CLDN14: variants seen among roughly 807,000 people sequenced by gnomAD.
The protein encoded by CLDN14 is claudin-14.
CLDN14 carries 2 observed loss-of-function variants against 2.1 expected under a neutral mutation model. That is an observed-to-expected ratio of 0.96 (90% CI 0.39 to 3.01). CLDN14 has a LOEUF of 3.01. Among genes scored for constraint, CLDN14 ranks in the 30% most tolerant of loss-of-function variants. The pLI is 0.09. For synonymous variants in CLDN14, 136 were observed against 154.4 expected, an observed-to-expected ratio of 0.88 and a Z score of 0.88; for missense variants, 298 against 328.0, an observed-to-expected ratio of 0.91 and a Z score of 0.71.
chr21:36,526,837 G>T (rs981857412), intron 1 of CLDN14, among the ~76,000 whole-genome samples: 2 of 152,164 alleles, frequency 1.3e-5, no homozygotes, highest in Non-Finnish European at 2.9e-5. Context: ...GAAGGCAGCT[G>T]CTAGGTATGG....
chr21:36,486,936 C>G, intron 2 of CLDN14: 1 of 563,876 alleles, frequency 1.8e-6, no homozygotes, highest in Non-Finnish European at 3.3e-6. Flanking sequence ...AGTCATTAGC[C>G]AGTGTGATGA....
intron 1 of CLDN14, chr21:36,532,100 A>G (rs1170028881): frequency 6.6e-6 from 1 of 152,204 alleles, no homozygotes; most frequent in Admixed American, 6.5e-5. Context: ...CTCAAAACGT[A>G]TTTCCTCCGA....
At chr21:36,554,246 C>T (rs886825882) in intron 1 of CLDN14, among the ~76,000 whole-genome samples, 40 of 152,174 alleles carry the variant, frequency 2.6e-4, no homozygotes, top group African/African-American at 8.0e-4. Flanking sequence ...CTGGGCTCGG[C>T]GGTGCCTCCT....
chr21:36,540,875 T>C (rs2087483626), intron 1 of CLDN14, among the ~76,000 whole-genome samples: 2 of 152,200 alleles, frequency 1.3e-5, no homozygotes, highest in South Asian at 4.1e-4. Context: ...GCCACTATGG[T>C]GACTCTGTAG....
At chr21:36,574,232 A>C (rs1184553953) in intron 1 of CLDN14, among the ~76,000 whole-genome samples, 1 of 152,238 alleles carries the variant, frequency 6.6e-6, no homozygotes, top group Non-Finnish European at 1.5e-5. Flanking sequence ...TTAACTAAAG[A>C]GTTGCTCAAT....
chr21:36,461,050 CAGCTGGT>C lies in CLDN14; in HGVS notation c.639_645del (p.Ala215ThrfsTer9). The C allele has an allele frequency of 6.2e-7, 1 of 1,613,982 alleles. No individual in the cohort carries two copies. Among genetic ancestry groups the C allele is most frequent in the African/African-American group, 1.3e-5 (1 of 75,058 alleles). ...GAGGGGGCCCGATTGTCTTTGTAGGCAGCTGGTGGCTGGTAGGCAGGTGCGGTGTTTG... is the reference window on the plus strand; with the variant it reads ...GAGGGGGCCCGATTGTCTTTGTAGGCGGCTGGTAGGCAGGTGCGGTGTTTG... On this transcript the variant is annotated frameshift_variant, in exon 2 of 2. Transcript: ENST00000399135. LOFTEE classifies it high-confidence loss of function.
At chr21:36,538,003 G>GTT (rs2146507403) in intron 1 of CLDN14, among the ~76,000 whole-genome samples, 1 of 152,054 alleles carries the variant, frequency 6.6e-6, no homozygotes, top group South Asian at 2.1e-4. Flanking sequence ...GTGTGTGTGT[G>GTT]TGTGTGTGTG....
chr21:36,560,705 A>C (rs1278186977), intron 1 of CLDN14, among the ~76,000 whole-genome samples: 2 of 152,228 alleles, frequency 1.3e-5, no homozygotes, highest in East Asian at 3.8e-4. Flanking sequence ...ACTCTCTAAT[A>C]GTGGGCATAG....
intron 1 of CLDN14, among the ~76,000 whole-genome samples, chr21:36,464,139 G>C (rs2086615266): frequency 6.6e-6 from 1 of 152,120 alleles, no homozygotes; most frequent in Non-Finnish European, 1.5e-5. Flanking sequence ...ACGAGATCTG[G>C]TTGTTTAAAA....
chr21:36,490,949 G>GACACACACACACACACAC (rs3030068), intron 2 of CLDN14, among the ~76,000 whole-genome samples: 8 of 148,858 alleles, frequency 5.4e-5, no homozygotes, highest in African/African-American at 2.0e-4. Context: ...CAAGTGCACA[G>GACACACACACACACACAC]ACACACACAC....
intron 1 of CLDN14, among the ~76,000 whole-genome samples, chr21:36,518,299 T>TA (rs1319567206): frequency 2.6e-5 from 4 of 152,120 alleles, no homozygotes; most frequent in African/African-American, 7.2e-5. Flanking sequence ...CATCAAATGC[T>TA]AAAAAAAGTT....
chr21:36,569,347 C>T (rs1416765285), intron 1 of CLDN14, among the ~76,000 whole-genome samples: 1 of 150,362 alleles, frequency 6.7e-6, no homozygotes, highest in Non-Finnish European at 1.5e-5. Context: ...ACCCGGGAGG[C>T]AAAGGTTGCA....
At chr21:36,478,022 T>C (rs1204898272) in intron 1 of CLDN14, among the ~76,000 whole-genome samples, 1 of 152,252 alleles carries the variant, frequency 6.6e-6, no homozygotes, top group African/African-American at 2.4e-5. Context: ...TTAGACTTCT[T>C]ACTCTGCGTA....
intron 2 of CLDN14, among the ~76,000 whole-genome samples, chr21:36,494,811 T>A (rs974240113): frequency 2.0e-4 from 31 of 152,224 alleles, no homozygotes; most frequent in Non-Finnish European, 4.4e-4. Context: ...AGACAATAAA[T>A]GCCTGTTGTT....
chr21:36,483,240 G>T (rs1345839129), upstream of CLDN14, among the ~76,000 whole-genome samples: 1 of 152,130 alleles, frequency 6.6e-6, no homozygotes, highest in Admixed American at 6.5e-5. Context: ...ACGGCCAGGT[G>T]GTGTTGTTTC....
intron 1 of CLDN14, among the ~76,000 whole-genome samples, chr21:36,567,194 T>C (rs2087679653): frequency 6.6e-6 from 1 of 152,246 alleles, no homozygotes; most frequent in African/African-American, 2.4e-5. Context: ...GTTGGAGCTT[T>C]GAGGGCATGC....
intron 2 of CLDN14, among the ~76,000 whole-genome samples, chr21:36,502,593 ATCT>A (rs2087100583): frequency 6.6e-6 from 1 of 152,216 alleles, no homozygotes; most frequent in Non-Finnish European, 1.5e-5. Flanking sequence ...AGCATTCCTG[ATCT>A]TATTATGGTG....
In CLDN14 at chr21:36,460,761, A is replaced by ATTTTTTTTTTTTTTTTTTTTTTTTTTTT; in HGVS notation, c.*214_*215insAAAAAAAAAAAAAAAAAAAAAAAAAAAA. ...TATAATAAATACAAAAACAGACAGG[A>ATTTTTTTTTTTTTTTTTTTTTTTTTTTT]TTTTTTTTTTCAGTCTTTGGTATAG... On this transcript the variant is annotated 3_prime_UTR_variant, in exon 2 of 2. Coordinates refer to ENST00000399135, the MANE Select transcript of CLDN14 (RefSeq NM_001146079.2). This position sits in a 1 kb window ranked among gnomAD's most constrained non-coding sequence, Gnocchi z 4.0. The ATTTTTTTTTTTTTTTTTTTTTTTTTTTT allele has an allele frequency of 1.9e-6, 1 of 530,194 alleles. No homozygotes were observed. The highest frequency in any genetic ancestry group is 3.3e-6 in the Non-Finnish European group (1 of 299,248). The allele number at this position is 530,194 out of a possible 1,614,324, so 32.8% of individuals were successfully genotyped here.
chr21:36,527,567 G>A (rs994101378), intron 1 of CLDN14, among the ~76,000 whole-genome samples: 15 of 152,068 alleles, frequency 9.9e-5, no homozygotes, highest in Admixed American at 8.5e-4. Context: ...CCCATTTCCC[G>A]TCGATTACTC....
Sources: allele counts gnomAD v4.1 joint callset (sites outside exome capture counted in the v4.1 genomes callset), GRCh38; gene constraint gnomAD v4.1.1; non-coding constraint Gnocchi (gnomAD v3.1); transcripts MANE v1.5; gene names NCBI Gene and HGNC (gene_info 2026-07-23, HGNC 2026-07-21).